Variants in CDH22 observed in about 807,000 individuals in gnomAD.
CDH22 encodes cadherin-22.
CDH22 carries 30 observed loss-of-function variants against 58.4 expected under a neutral mutation model. That is an observed-to-expected ratio of 0.51 (90% CI 0.38 to 0.70). CDH22 has a LOEUF of 0.70. CDH22 is among the 30% of genes least tolerant of loss of function. CDH22 has a pLI of 0.00. For missense variants in CDH22, 1,014 were observed against 1,233.9 expected (o/e 0.82, Z 2.67); for synonymous variants, 513 against 558.2 (o/e 0.92, Z 1.14).
chr20:46,247,616 G>A (rs1001467504), intron 2 of CDH22, among the ~76,000 whole-genome samples: 11 of 152,084 alleles, frequency 7.2e-5, no homozygotes, highest in Admixed American at 5.2e-4. Context: ...TTGGGTTTTG[G>A]TATCCATGGG....
chr20:46,198,167 C>T (rs1248839735), intron 8 of CDH22, among the ~76,000 whole-genome samples: 1 of 152,036 alleles, frequency 6.6e-6, no homozygotes, highest in Admixed American at 6.5e-5. Context: ...GGCACTCCCC[C>T]TGGCCTCTCT....
In CDH22 at chr20:46,174,780, G is replaced by C; in HGVS notation, c.2213C>G (p.Pro738Arg). The C allele has an allele frequency of 3.3e-6, 5 of 1,514,498 alleles. No homozygotes were observed. Among genetic ancestry groups the C allele is most frequent in the South Asian group, 1.2e-5 (1 of 81,356 alleles). The allele number at this position is 1,514,498 out of a possible 1,614,324, so 93.8% of individuals were successfully genotyped here. A position where few individuals can be genotyped will look rare whatever the true frequency, so the allele number is the denominator to read the frequency against. The change falls in exon 12 of 12, where the codon CCG (proline) becomes CGG (arginine). Residue 738 changes from proline (P) to arginine (R), a missense_variant. Pro to Arg is a moderately radical substitution (Grantham distance 103). Coordinates refer to ENST00000537909, the MANE Select transcript of CDH22 (RefSeq NM_021248.3). This position sits in a 1 kb window ranked among gnomAD's most constrained non-coding sequence, Gnocchi z 4.4. ...CACTGAGAAGTCTGGCTCGGGGCTC[G>C]GCGGCCCCTGCGGCAGCGAGTGGCG... ...SERHSLPQGPPSPEPDFSVFR... is the reference protein window; with the variant it reads ...SERHSLPQGPRSPEPDFSVFR...
chr20:46,197,201 C>G (rs1046618820), intron 8 of CDH22, among the ~76,000 whole-genome samples: 1 of 152,026 alleles, frequency 6.6e-6, no homozygotes, highest in Admixed American at 6.6e-5. Flanking sequence ...TTTCCAAACT[C>G]TCCAAGCCTC....
chr20:46,235,936 CA>C (rs1336772592), intron 3 of CDH22, among the ~76,000 whole-genome samples: 2 of 152,122 alleles, frequency 1.3e-5, no homozygotes, highest in Non-Finnish European at 2.9e-5. Context: ...AGAGTACAAC[CA>C]AAAACCTTTC....
rs374318973 is a variant in CDH22 at position 46,296,532 on chromosome 20, C to G, written c.-400+11723G>C. Among the ~76,000 whole-genome samples the G allele has an allele frequency of 4.0e-3, 604 of 152,270 alleles. 6 individuals are homozygous for G. The highest frequency in any genetic ancestry group is 0.014 in the African/African-American group (569 of 41,542). On this transcript the variant is annotated intron_variant, in intron 1 of 11. Transcript: ENST00000537909. ...AGAGGCAAGACAGGTAACAATGGTTCGCAAAGGGCTGAAACAGGGCACTGA... is the reference window on the plus strand; with the variant it reads ...AGAGGCAAGACAGGTAACAATGGTTGGCAAAGGGCTGAAACAGGGCACTGA...
At chr20:46,301,196 T>C (rs946226511) in intron 1 of CDH22, among the ~76,000 whole-genome samples, 2 of 152,094 alleles carry the variant, frequency 1.3e-5, no homozygotes, top group Non-Finnish European at 2.9e-5. Context: ...TATATACATA[T>C]ATATAAATTT....
intron 1 of CDH22, among the ~76,000 whole-genome samples, chr20:46,272,278 G>C (rs2086494879): frequency 6.6e-6 from 1 of 152,222 alleles, no homozygotes; most frequent in South Asian, 2.1e-4. Flanking sequence ...TGGGGAGGAA[G>C]AGTTGGGGAG....
Position 46,241,164 on chromosome 20 carries a change from C to T in CDH22, c.349G>A (p.Gly117Ser). ...GTIFLIDELT[G>S]DIHAMERLDR... The stretch of plus-strand genomic sequence containing the variant: ...AGGCGCTCCATGGCATGAATGTCGC[C>T]TGTCAGCTCGTCGATCAGGAAGATG... The change falls in exon 3 of 12, where the codon GGC (glycine) becomes AGC (serine). Residue 117 changes from glycine to serine, a missense_variant. By Grantham distance (56) the Gly-to-Ser change is moderately conservative (BLOSUM62 0). Around this residue, in one of 2 missense-constraint regions of CDH22, gnomAD observed 806 missense variants for 1,038.7 expected, o/e 0.78. Coordinates refer to ENST00000537909, the MANE Select transcript of CDH22 (RefSeq NM_021248.3). This position sits in a 1 kb window ranked among gnomAD's most constrained non-coding sequence, Gnocchi z 5.2. 6.2e-7 allele frequency: 1 copy of T among 1,614,188 alleles called. No individual in the cohort carries two copies. Among genetic ancestry groups the T allele is most frequent in the Non-Finnish European group, 8.5e-7 (1 of 1,180,010 alleles).
At chr20:46,246,101 A>G (rs2086326667) in intron 2 of CDH22, among the ~76,000 whole-genome samples, 1 of 152,244 alleles carries the variant, frequency 6.6e-6, no homozygotes, top group South Asian at 2.1e-4. Context: ...TGAAGCCATT[A>G]ATTACTTCCT....
chr20:46,268,841 G>A (rs978518005), intron 1 of CDH22, among the ~76,000 whole-genome samples: 9 of 152,340 alleles, frequency 5.9e-5, no homozygotes, highest in African/African-American at 2.2e-4. Flanking sequence ...GGGCCAGGGA[G>A]CATGAGGTCA....
intron 1 of CDH22, among the ~76,000 whole-genome samples, chr20:46,287,146 T>C (rs1328582502): frequency 6.6e-6 from 1 of 152,130 alleles, no homozygotes; most frequent in Non-Finnish European, 1.5e-5. Context: ...TTATCATCTG[T>C]GTAACCTTGC....
rs2086286867 is a variant in CDH22 at position 46,241,102 on chromosome 20, G to A, written c.411C>T (p.Ala137=). 4 of 1,614,176 alleles carry A rather than the reference G, an allele frequency of 2.5e-6. No homozygotes were observed. Among genetic ancestry groups the A allele is most frequent in the Non-Finnish European group, 3.4e-6 (4 of 1,180,026 alleles). Residue 137 remains alanine (A), a synonymous_variant, in exon 3 of 12, where the codon GCC becomes GCT. Transcript: ENST00000537909. The surrounding 1 kb of genome is among the most constrained non-coding windows in gnomAD (Gnocchi z 5.2). ...GGTTGGTGGCGCGATCCCGAGCCTG[G>A]GCCCGCAGCGTGTAGAAGGTTTTCT... ...REQKTFYTLR[A]QARDRATNRL... is the part of the protein sequence containing the mutation.
At chr20:46,257,233 C>A (rs577678904) in intron 1 of CDH22, among the ~76,000 whole-genome samples, 36 of 151,718 alleles carry the variant, frequency 2.4e-4, no homozygotes, top group African/African-American at 8.5e-4. Context: ...ATCACCTGAG[C>A]TTGGGGAGGT....
At chr20:46,215,391 TTTGTA>T (rs1291648419) in intron 5 of CDH22, among the ~76,000 whole-genome samples, 1 of 152,008 alleles carries the variant, frequency 6.6e-6, no homozygotes, top group Non-Finnish European at 1.5e-5. Flanking sequence ...ACAAAAACAA[TTTGTA>T]TTGTATGATT....
intron 4 of CDH22, among the ~76,000 whole-genome samples, chr20:46,222,150 C>G (rs538941216): frequency 6.6e-6 from 1 of 152,340 alleles, no homozygotes; most frequent in East Asian, 1.9e-4. Context: ...CTTCCAGCAG[C>G]AGGCCTCACA....
At chr20:46,181,752 C>CTTCCTTCCTTCTTTCTTTCTTT in intron 10 of CDH22, among the ~76,000 whole-genome samples, 1 of 26,264 alleles carries the variant, frequency 3.8e-5, no homozygotes, top group South Asian at 1.4e-3. Flanking sequence ...TCCTTCCTTC[C>CTTCCTTCCTTCTTTCTTTCTTT]TTCTTTCTTT....
intron 1 of CDH22, among the ~76,000 whole-genome samples, chr20:46,254,422 G>A (rs188413572): frequency 4.9e-4 from 74 of 152,172 alleles, no homozygotes; most frequent in Non-Finnish European, 5.6e-4. Context: ...AGGCATGGTG[G>A]TGGGTGCCTG....
At chr20:46,253,071 G>A (rs2086388715) in intron 1 of CDH22, among the ~76,000 whole-genome samples, 1 of 152,234 alleles carries the variant, frequency 6.6e-6, no homozygotes, top group African/African-American at 2.4e-5. Flanking sequence ...GTAGTGGGTT[G>A]GGGTGGGAGG....
At chr20:46,202,711 C>T (rs944029890) in intron 7 of CDH22, among the ~76,000 whole-genome samples, 3 of 152,176 alleles carry the variant, frequency 2.0e-5, no homozygotes, top group South Asian at 2.1e-4. Flanking sequence ...GCCAAATCCT[C>T]GATGCATGAA....
Sources: allele counts gnomAD v4.1 joint callset (sites outside exome capture counted in the v4.1 genomes callset), GRCh38; gene constraint gnomAD v4.1.1; regional missense constraint gnomAD v4.1.1; non-coding constraint Gnocchi (gnomAD v3.1); transcripts MANE v1.5; gene names NCBI Gene and HGNC (gene_info 2026-07-23, HGNC 2026-07-21).